The following NAALADL2 variants were observed in gnomAD, a reference collection of about 807,000 sequenced individuals.
NAALADL2 encodes the protein inactive N-acetylated-alpha-linked acidic dipeptidase-like protein 2.
Under a neutral mutation model 87.2 loss-of-function variants are expected in NAALADL2, and 76 were observed. The ratio of observed to expected loss-of-function variants is 0.87; its 90% CI spans 0.72 to 1.05. The LOEUF is 1.05. Ranked by LOEUF, NAALADL2 falls within the 50% of genes least tolerant of loss-of-function variation. The pLI, the probability that NAALADL2 is intolerant of heterozygous loss-of-function variation, is 0.00. For synonymous variants in NAALADL2, 354 were observed against 331.0 expected, an observed-to-expected ratio of 1.07 and a Z score of -0.75; for missense variants, 1,089 against 945.8, an observed-to-expected ratio of 1.15 and a Z score of -1.99.
At chr3:174,548,620 C>G (rs1711709772) in intron 1 of NAALADL2, among the ~76,000 whole-genome samples, 1 of 152,096 alleles carries the variant, frequency 6.6e-6, no homozygotes, top group Non-Finnish European at 1.5e-5. Context: ...TTTGGTTCTT[C>G]CCTACCTTCA....
chr3:175,273,540 G>A (rs188362440), intron 4 of NAALADL2, among the ~76,000 whole-genome samples: 5 of 151,798 alleles, frequency 3.3e-5, no homozygotes, highest in African/African-American at 9.7e-5. Flanking sequence ...TGTATTATAC[G>A]TTCTTAAATT....
chr3:174,891,794 T>A (rs1188976887), intron 1 of NAALADL2, among the ~76,000 whole-genome samples: 1 of 152,018 alleles, frequency 6.6e-6, no homozygotes, highest in Non-Finnish European at 1.5e-5. Flanking sequence ...ACCGGGGAAA[T>A]ACATGACATA....
At chr3:174,889,969 A>T (rs77484197) in intron 1 of NAALADL2, among the ~76,000 whole-genome samples, 1 of 152,236 alleles carries the variant, frequency 6.6e-6, no homozygotes, top group East Asian at 1.9e-4. Flanking sequence ...TTCCCCTTCA[A>T]TGTTTCTTAA....
At chr3:175,251,983 A>T (rs146770424) in intron 3 of NAALADL2, among the ~76,000 whole-genome samples, 5 of 152,190 alleles carry the variant, frequency 3.3e-5, no homozygotes, top group Admixed American at 3.3e-4. Flanking sequence ...AAACACTTTG[A>T]TTTATTAACA....
intron 5 of NAALADL2, among the ~76,000 whole-genome samples, chr3:175,430,000 T>C (rs1560537151): frequency 6.6e-6 from 1 of 151,946 alleles, no homozygotes; most frequent in East Asian, 1.9e-4. Context: ...AAACAAAATG[T>C]GGGGCATGGC....
intron 5 of NAALADL2, among the ~76,000 whole-genome samples, chr3:175,367,006 A>G (rs373892622): frequency 7.3e-5 from 11 of 151,074 alleles, no homozygotes; most frequent in African/African-American, 2.2e-4. Context: ...TAACGTTTAA[A>G]TCTTTAATCC....
intron 2 of NAALADL2, among the ~76,000 whole-genome samples, chr3:174,717,438 T>G (rs772782739): frequency 6.6e-6 from 1 of 152,208 alleles, no homozygotes; most frequent in Non-Finnish European, 1.5e-5. Flanking sequence ...CACATCTAAC[T>G]ATGTACACAT....
chr3:174,679,552 G>A (rs755096708), intron 2 of NAALADL2, among the ~76,000 whole-genome samples: 18 of 152,120 alleles, frequency 1.2e-4, no homozygotes, highest in South Asian at 2.1e-4. Context: ...TGCTACTGTC[G>A]TGGGATCTTT....
intron 11 of NAALADL2, among the ~76,000 whole-genome samples, chr3:175,658,833 C>T (rs1321476749): frequency 2.0e-5 from 3 of 152,070 alleles, no homozygotes; most frequent in Non-Finnish European, 4.4e-5. Context: ...ATTATCAAAA[C>T]GATGTTTCCC....
intron 2 of NAALADL2, among the ~76,000 whole-genome samples, chr3:175,226,770 A>T (rs17532271): frequency 0.011 from 1,625 of 152,278 alleles, 9 homozygotes; most frequent in Non-Finnish European, 0.018. Flanking sequence ...CTCTGTTGCA[A>T]GGGAAGGCTA....
chr3:175,322,117 A>G (rs1171349949), intron 4 of NAALADL2, among the ~76,000 whole-genome samples: 1 of 150,606 alleles, frequency 6.6e-6, no homozygotes, highest in Non-Finnish European at 1.5e-5. Flanking sequence ...CCAAAACAGC[A>G]TGGTACTGGT....
rs58179047 is a variant in NAALADL2 at position 174,506,183 on chromosome 3, CT to C, written c.-183-44371del. On this transcript the variant is annotated intron_variant, in intron 1 of 3. Transcript: ENST00000434257. The stretch of plus-strand genomic sequence containing the variant: ...TATGTCAATAATTATTGGTTTATAT[CT>C]TTTTTTTTTTTTTTGACACAGGGTC... Among the ~76,000 whole-genome samples the C allele has an allele frequency of 7.7e-3, 1,090 of 140,820 alleles. 2 individuals carry two copies. Among genetic ancestry groups the C allele is most frequent in the Middle Eastern group, 0.011 (3 of 276 alleles). The allele number at this position is 140,820 out of a possible 152,430, so 92.4% of individuals were successfully genotyped here.
intron 13 of NAALADL2, among the ~76,000 whole-genome samples, chr3:175,766,379 C>T (rs1174191241): frequency 6.6e-6 from 1 of 152,006 alleles, no homozygotes; most frequent in Non-Finnish European, 1.5e-5. Flanking sequence ...GCTGAAGACA[C>T]CAAAAGACTC....
At chr3:175,027,602 TC>T (rs1752364772) in intron 1 of NAALADL2, among the ~76,000 whole-genome samples, 2 of 152,116 alleles carry the variant, frequency 1.3e-5, no homozygotes, top group South Asian at 4.1e-4. Flanking sequence ...AATCAGCTCT[TC>T]CCCGAATTCT....
intron 1 of NAALADL2, among the ~76,000 whole-genome samples, chr3:174,490,105 A>T (rs1182339693): frequency 1.3e-5 from 2 of 152,146 alleles, no homozygotes; most frequent in Non-Finnish European, 2.9e-5. Context: ...GTACATGAAC[A>T]TTCATAGCAG....
intron 5 of NAALADL2, among the ~76,000 whole-genome samples, chr3:175,333,123 G>A (rs937791808): frequency 2.0e-5 from 3 of 152,190 alleles, no homozygotes; most frequent in African/African-American, 7.2e-5. Context: ...GGCAGTAGCA[G>A]TGGCAGGATA....
chr3:175,573,258 T>C (rs1043348761), intron 9 of NAALADL2, among the ~76,000 whole-genome samples: 3 of 152,214 alleles, frequency 2.0e-5, no homozygotes, highest in Non-Finnish European at 4.4e-5. Flanking sequence ...TTTTCATTTA[T>C]GTTGAGTAGG....
At chr3:174,811,045 A>G (rs902262766) in intron 3 of NAALADL2, among the ~76,000 whole-genome samples, 1 of 152,184 alleles carries the variant, frequency 6.6e-6, no homozygotes, top group African/African-American at 2.4e-5. Flanking sequence ...TGGTTCACAG[A>G]GTGCAAGAGT....
intron 1 of NAALADL2, among the ~76,000 whole-genome samples, chr3:174,543,592 C>A (rs552367061): frequency 6.6e-6 from 1 of 152,038 alleles, no homozygotes; most frequent in African/African-American, 2.4e-5. Flanking sequence ...CCCATTTACT[C>A]TATCCCACTC....
Sources: allele counts gnomAD v4.1 joint callset (sites outside exome capture counted in the v4.1 genomes callset), GRCh38; gene constraint gnomAD v4.1.1; transcripts MANE v1.5; gene names NCBI Gene and HGNC (gene_info 2026-07-23, HGNC 2026-07-21).